The following IL1RAPL2 variants were observed in gnomAD, a reference collection of about 807,000 sequenced individuals.
IL1RAPL2 encodes the protein X-linked interleukin-1 receptor accessory protein-like 2.
A neutral mutation model predicts 44.1 loss-of-function variants in IL1RAPL2; 3 were observed. The ratio of observed to expected loss-of-function variants is 0.07; its 90% CI spans 0.03 to 0.18. The LOEUF is 0.18. Ranked by LOEUF, IL1RAPL2 falls within the 10% of genes least tolerant of loss-of-function variation. The probability of loss-of-function intolerance (pLI) is 1.00; values close to 1 mark genes in which losing one functional copy is unlikely to be tolerated. For missense variants in IL1RAPL2, 391 were observed against 496.4 expected (o/e 0.79, Z 2.02); for synonymous variants, 181 against 178.8 (o/e 1.01, Z -0.10).
intron 2 of IL1RAPL2, among the ~76,000 whole-genome samples, chrX:104,721,312 G>C (rs1378005978): frequency 9.0e-6 from 1 of 111,296 alleles, no homozygotes; most frequent in Non-Finnish European, 1.9e-5. Flanking sequence ...GGATGAAGAA[G>C]GCATGGTGCA....
intron 2 of IL1RAPL2, among the ~76,000 whole-genome samples, chrX:104,946,975 C>G (rs1383225893): frequency 1.7e-4 from 17 of 97,963 alleles, no homozygotes; most frequent in East Asian, 3.4e-4. Context: ...GTTCTAGATC[C>G]CTGAGGAATC....
intron 2 of IL1RAPL2, among the ~76,000 whole-genome samples, chrX:104,928,916 G>T (rs1378586494): frequency 9.0e-6 from 1 of 111,056 alleles, no homozygotes; most frequent in African/African-American, 3.3e-5. Context: ...TTCTGGTAAA[G>T]GATTTTTGAA....
At chrX:105,018,853 G>GT (rs751951075) in intron 2 of IL1RAPL2, among the ~76,000 whole-genome samples, 1 of 111,250 alleles carries the variant, frequency 9.0e-6, no homozygotes, top group African/African-American at 3.3e-5. Flanking sequence ...CAAGGCCCTT[G>GT]TTTTTTTCTA....
At chrX:105,220,971 C>A (rs1409775282) in intron 3 of IL1RAPL2, among the ~76,000 whole-genome samples, 2 of 112,000 alleles carry the variant, frequency 1.8e-5, no homozygotes, top group Admixed American at 9.4e-5. Context: ...CTAGTAGGGA[C>A]CCCCCTAGAG....
intron 1 of IL1RAPL2, among the ~76,000 whole-genome samples, chrX:104,577,761 G>T (rs1233241601): frequency 9.0e-6 from 1 of 111,179 alleles, no homozygotes; most frequent in Non-Finnish European, 1.9e-5. Context: ...GTATATGAGG[G>T]ATGGTAGCCT....
intron 7 of IL1RAPL2, among the ~76,000 whole-genome samples, chrX:105,740,133 G>A (rs1236653845): frequency 1.8e-5 from 2 of 110,846 alleles, no homozygotes; most frequent in Non-Finnish European, 3.8e-5. Context: ...GTTTTAGCTA[G>A]CAGAAGGCAA....
intron 2 of IL1RAPL2, among the ~76,000 whole-genome samples, chrX:104,872,503 G>T (rs1294740698): frequency 8.9e-6 from 1 of 111,750 alleles, no homozygotes; most frequent in East Asian, 2.8e-4. Flanking sequence ...TCTGACTTTT[G>T]TCAAGGTCAC....
At chrX:105,555,680 G>T (rs1487828132) in intron 6 of IL1RAPL2, among the ~76,000 whole-genome samples, 1 of 112,134 alleles carries the variant, frequency 8.9e-6, no homozygotes. Context: ...CAAGTGTCTT[G>T]CAATGTCTTT....
intron 2 of IL1RAPL2, among the ~76,000 whole-genome samples, chrX:104,962,553 GCTAAAGGTGCAATGCA>G (rs1326994176): frequency 7.1e-5 from 8 of 112,033 alleles, no homozygotes; most frequent in Non-Finnish European, 1.3e-4. Context: ...AATGTGCGTA[GCTAAAGGTGCAATGCA>G]CTAAAGGTGC....
At chrX:104,666,604 GGAATGAAAAGATATTTTA>G (rs1266860602) in intron 2 of IL1RAPL2, among the ~76,000 whole-genome samples, 1 of 111,929 alleles carries the variant, frequency 8.9e-6, no homozygotes, top group East Asian at 2.8e-4. Context: ...CTGTTGTTTT[GGAATGAAAAGATATTTTA>G]TCTGCCAGAG....
At chrX:105,131,997 A>C (rs763880970) in intron 2 of IL1RAPL2, among the ~76,000 whole-genome samples, 26 of 110,644 alleles carry the variant, frequency 2.3e-4, no homozygotes, top group African/African-American at 7.9e-4. Context: ...GGGTATAGGA[A>C]ATTTGCTGAA....
chrX:105,357,036 C>T (rs1368202271), intron 5 of IL1RAPL2, among the ~76,000 whole-genome samples: 1 of 111,463 alleles, frequency 9.0e-6, no homozygotes, highest in Non-Finnish European at 1.9e-5. Flanking sequence ...ACTATGCAGA[C>T]TATAAAATTG....
chrX:104,768,702 C>T (rs1427977950), intron 2 of IL1RAPL2, among the ~76,000 whole-genome samples: 5 of 111,244 alleles, frequency 4.5e-5, no homozygotes, highest in Non-Finnish European at 9.4e-5. Flanking sequence ...TAGACTTGCC[C>T]GATCAAAATG....
intron 6 of IL1RAPL2, among the ~76,000 whole-genome samples, chrX:105,550,120 C>T (rs776186776): frequency 6.3e-5 from 7 of 111,610 alleles, no homozygotes; most frequent in African/African-American, 9.8e-5. Context: ...AGATAGGACC[C>T]GAGAACTCTG....
At chrX:105,219,941 C>T in intron 3 of IL1RAPL2, 1 of 1,178,727 alleles carries the variant, frequency 8.5e-7, no homozygotes, top group Non-Finnish European at 1.1e-6. Flanking sequence ...GATCTTACTG[C>T]ATGGAGCGGC....
chrX:105,427,910 G>A (rs1045785943), intron 5 of IL1RAPL2, among the ~76,000 whole-genome samples: 1 of 111,802 alleles, frequency 8.9e-6, no homozygotes, highest in Admixed American at 9.6e-5. Flanking sequence ...GTAACTAGAT[G>A]TTGGAGGTTT....
At chrX:104,778,561 A>G (rs1414345563) in intron 2 of IL1RAPL2, among the ~76,000 whole-genome samples, 8 of 69,426 alleles carry the variant, frequency 1.2e-4, no homozygotes, top group African/African-American at 2.5e-4. Context: ...CTCCGTCTCA[A>G]ATAATATATA....
At chrX:104,778,855 C>T (rs1210439538) in intron 2 of IL1RAPL2, among the ~76,000 whole-genome samples, 2 of 110,323 alleles carry the variant, frequency 1.8e-5, no homozygotes, top group Non-Finnish European at 3.8e-5. Flanking sequence ...TATCCATGAA[C>T]TCAAGTGACC....
intron 2 of IL1RAPL2, among the ~76,000 whole-genome samples, chrX:104,919,963 G>A (rs1162322346): frequency 9.0e-6 from 1 of 110,939 alleles, no homozygotes; most frequent in Non-Finnish European, 1.9e-5. Context: ...CCTGCATGGA[G>A]GCCTCTCTAT....
Sources: gnomAD v4.1 joint callset for allele counts (sites outside exome capture counted in the v4.1 genomes callset) on GRCh38, gnomAD v4.1.1 for gene constraint, MANE v1.5 for transcripts, NCBI Gene and HGNC (gene_info 2026-07-23, HGNC 2026-07-21) for gene names.